Variants in SQOR observed in about 807,000 individuals in gnomAD.
SQOR encodes the protein sulfide quinone oxidoreductase, also known as sulfide:quinone oxidoreductase, mitochondrial.
In SQOR, 39 loss-of-function variants were observed where a neutral mutation model predicts 48.6. That is an observed-to-expected ratio of 0.80 (90% confidence interval 0.62 to 1.05). The LOEUF (loss-of-function observed/expected upper bound fraction) is 1.05, where lower values mean the gene tolerates loss of function less well. Ranked by LOEUF, SQOR falls within the 50% of genes least tolerant of loss-of-function variation. SQOR has a pLI of 0.00. For missense variants in SQOR, 561 were observed against 559.9 expected, an observed-to-expected ratio of 1.00 and a Z score of -0.02; for synonymous variants, 220 against 206.2, an observed-to-expected ratio of 1.07 and a Z score of -0.57.
At chr15:45,666,843 TC>T in intron 3 of SQOR, among the ~76,000 whole-genome samples, 1 of 36,102 alleles carries the variant, frequency 2.8e-5, no homozygotes, top group Non-Finnish European at 5.4e-5. Flanking sequence ...TCCCCTCCCC[TC>T]CCCTCCTCTC....
chr15:45,687,804 A>G (rs1595512172), intron 7 of SQOR, among the ~76,000 whole-genome samples: 1 of 152,180 alleles, frequency 6.6e-6, no homozygotes, highest in Non-Finnish European at 1.5e-5. Flanking sequence ...AGGTAGATCT[A>G]TATATCTGTA....
At chr15:45,685,872 T>C (rs1313116498) in intron 7 of SQOR, among the ~76,000 whole-genome samples, 1 of 152,194 alleles carries the variant, frequency 6.6e-6, no homozygotes, top group East Asian at 1.9e-4. Context: ...AAGGTCTCGC[T>C]CTGTCGCCCA....
chr15:45,647,655 C>T (rs935050286), intron 1 of SQOR, among the ~76,000 whole-genome samples: 5 of 151,446 alleles, frequency 3.3e-5, no homozygotes, highest in African/African-American at 4.9e-5. Flanking sequence ...TGGCTCAGGC[C>T]GGTAAATCGC....
chr15:45,646,692 G>T (rs1889346616), intron 1 of SQOR, among the ~76,000 whole-genome samples: 1 of 151,900 alleles, frequency 6.6e-6, no homozygotes, highest in African/African-American at 2.4e-5. Flanking sequence ...AGTTTTTATT[G>T]TGTAAACTTT....
intron 1 of SQOR, among the ~76,000 whole-genome samples, chr15:45,650,184 G>A (rs1242018321): frequency 7.2e-5 from 11 of 152,252 alleles, no homozygotes; most frequent in African/African-American, 2.4e-4. Flanking sequence ...CTGTCGCCCA[G>A]GCTAGAGTGC....
chr15:45,678,554 A>C (rs1890074923), intron 6 of SQOR, among the ~76,000 whole-genome samples: 1 of 150,546 alleles, frequency 6.6e-6, no homozygotes, highest in Non-Finnish European at 1.5e-5. Flanking sequence ...ATGCCCCATC[A>C]TGTGTTTGAG....
At chr15:45,688,718 G>A (rs954244128) in intron 8 of SQOR, among the ~76,000 whole-genome samples, 3 of 151,958 alleles carry the variant, frequency 2.0e-5, no homozygotes, top group Non-Finnish European at 4.4e-5. Flanking sequence ...TCTCCATGTT[G>A]GTCAGGCTGA....
intron 1 of SQOR, among the ~76,000 whole-genome samples, chr15:45,643,437 C>T (rs1403062511): frequency 1.3e-5 from 2 of 152,150 alleles, no homozygotes; most frequent in South Asian, 2.1e-4. Flanking sequence ...CCTCATGATC[C>T]GCCTGCCTCA....
chr15:45,663,139 T>A (rs1889750728), intron 3 of SQOR, among the ~76,000 whole-genome samples: 2 of 152,142 alleles, frequency 1.3e-5, no homozygotes, highest in Admixed American at 1.3e-4. Context: ...CACCTCAGCC[T>A]CCCCAGTAGC....
At chr15:45,676,426 G>A in intron 6 of SQOR, 116 bp downstream of exon 6, 1 of 1,068,914 alleles carries the variant, frequency 9.4e-7, no homozygotes, top group Non-Finnish European at 1.4e-6. Context: ...AAGACTGGGT[G>A]AAATGAGCAT....
chr15:45,651,068 C>T (rs562658917), intron 1 of SQOR, among the ~76,000 whole-genome samples: 42 of 152,270 alleles, frequency 2.8e-4, no homozygotes, highest in Middle Eastern at 6.8e-3. Context: ...CAGGGGGCGG[C>T]GCCCATCAGG....
chr15:45,631,288 G>A (rs1483973734), upstream of SQOR: 2 of 153,366 alleles, frequency 1.3e-5, no homozygotes, highest in African/African-American at 4.8e-5. Flanking sequence ...TATCAGCAGT[G>A]TGAAAACAAA....
intron 7 of SQOR, 137 bp downstream of exon 7, chr15:45,682,798 C>G (rs1326694404): frequency 5.0e-6 from 5 of 994,168 alleles, no homozygotes; most frequent in Non-Finnish European, 7.3e-6. Flanking sequence ...GAGACTCAGG[C>G]AGGCAGGTCA....
intron 1 of SQOR, among the ~76,000 whole-genome samples, chr15:45,655,757 T>C (rs987625752): frequency 7.9e-5 from 12 of 151,470 alleles, no homozygotes; most frequent in South Asian, 2.1e-4. Context: ...AATCTTGGCT[T>C]ACTGCAACCT....
chr15:45,642,794 T>C (rs1566913677), intron 1 of SQOR, among the ~76,000 whole-genome samples: 1 of 152,240 alleles, frequency 6.6e-6, no homozygotes, highest in Non-Finnish European at 1.5e-5. Flanking sequence ...TTGACTTTTT[T>C]TTTTCTTCCA....
chr15:45,645,086 C>T (rs557007585), intron 1 of SQOR, among the ~76,000 whole-genome samples: 6 of 152,140 alleles, frequency 3.9e-5, no homozygotes, highest in Non-Finnish European at 8.8e-5. Flanking sequence ...AGAATATTGA[C>T]AGGAAGGGGA....
At chr15:45,659,849 T>A (rs1297979141) in intron 2 of SQOR, among the ~76,000 whole-genome samples, 1 of 152,216 alleles carries the variant, frequency 6.6e-6, no homozygotes, top group Non-Finnish European at 1.5e-5. Flanking sequence ...TTGAGAGAGA[T>A]ACAATTCAAC....
At chr15:45,686,167 A>ATG (rs1890221226) in intron 7 of SQOR, among the ~76,000 whole-genome samples, 1 of 151,472 alleles carries the variant, frequency 6.6e-6, no homozygotes, top group Non-Finnish European at 1.5e-5. Flanking sequence ...ATATATATAT[A>ATG]TTTAGATGGA....
chr15:45,676,664 A>C (rs1166466322), intron 6 of SQOR, among the ~76,000 whole-genome samples: 1 of 152,216 alleles, frequency 6.6e-6, no homozygotes, highest in African/African-American at 2.4e-5. Context: ...CCTCGAATGC[A>C]AGATCTGGTG....
Sources: allele counts gnomAD v4.1 joint callset (sites outside exome capture counted in the v4.1 genomes callset), GRCh38; gene constraint gnomAD v4.1.1; transcripts MANE v1.5; gene names NCBI Gene and HGNC (gene_info 2026-07-23, HGNC 2026-07-21).